The following CASQ2 variants were observed in gnomAD, a reference collection of about 807,000 sequenced individuals.
CASQ2 encodes the protein calsequestrin 2.
Under a neutral mutation model 46.5 loss-of-function variants are expected in CASQ2, and 49 were observed. The observed-to-expected ratio is 1.05, with a 90% CI of 0.84 to 1.34. The LOEUF is 1.34. Ranked by LOEUF, CASQ2 falls within the 40% of genes most tolerant of loss-of-function variation. The pLI, the probability that CASQ2 is intolerant of heterozygous loss-of-function variation, is 0.00. For synonymous variants in CASQ2, 174 were observed against 168.5 expected (o/e 1.03, Z -0.25); for missense variants, 486 against 481.3 (o/e 1.01, Z -0.09).
intron 2 of CASQ2, among the ~76,000 whole-genome samples, chr1:115,741,609 C>G (rs375923837): frequency 1.3e-5 from 2 of 152,242 alleles, no homozygotes; most frequent in African/African-American, 4.8e-5. Flanking sequence ...TGTATGTGGC[C>G]AGGATGGACA....
chr1:115,768,409 C>T lies in CASQ2; in HGVS notation c.133G>A (p.Val45Ile), dbSNP rs746405346. 5 of 1,614,034 alleles carry T rather than the reference C, an allele frequency of 3.1e-6. No individual in the cohort carries two copies. The highest frequency in any genetic ancestry group is 4.2e-6 in the Non-Finnish European group (5 of 1,179,938). ...VSLSEKNFKQ[V>I]LKKYDLLCLY... is the part of the protein sequence containing the mutation. ...CAAAGCAAGTCATATTTCTTTAAAA[C>T]CTGCTTGAAGTTCTTCTCGGAAAGA... Residue 45 changes from valine (V) to isoleucine (I), a missense_variant, in exon 1 of 11, where the codon GTT becomes ATT. By Grantham distance (29) the Val-to-Ile change is conservative (BLOSUM62 3). Transcript: ENST00000261448.
chr1:115,735,475 A>G (rs1445721071), intron 4 of CASQ2, among the ~76,000 whole-genome samples: 2 of 152,256 alleles, frequency 1.3e-5, no homozygotes, highest in Non-Finnish European at 2.9e-5. Context: ...AATGTACTTA[A>G]TTGAAAATTG....
At chr1:115,733,013 A>T (rs753194494) in intron 4 of CASQ2, 39 bp from the exon 5 acceptor site, 1 of 1,402,210 alleles carries the variant, frequency 7.1e-7, no homozygotes, top group South Asian at 1.2e-5. Context: ...AGACATTTTC[A>T]AGATGAACAC....
intron 1 of CASQ2, 26 bp from the exon 2 acceptor site, chr1:115,744,938 T>C (rs770267264): frequency 1.3e-6 from 2 of 1,499,950 alleles, no homozygotes; most frequent in East Asian, 2.3e-5. Flanking sequence ...GAAAGATGAG[T>C]GTGCTAAGGG....
intron 4 of CASQ2, among the ~76,000 whole-genome samples, chr1:115,736,392 T>C (rs1647962871): frequency 2.0e-5 from 3 of 151,918 alleles, no homozygotes; most frequent in Admixed American, 6.6e-5. Context: ...ATCCAAGCAC[T>C]TTGGGAGGCT....
At chr1:115,759,002 G>A (rs1648850008) in intron 1 of CASQ2, among the ~76,000 whole-genome samples, 1 of 152,178 alleles carries the variant, frequency 6.6e-6, no homozygotes, top group Admixed American at 6.5e-5. Context: ...CATAGAGGAG[G>A]GTAGAGAAGG....
At chr1:115,748,631 C>G (rs932545198) in intron 1 of CASQ2, among the ~76,000 whole-genome samples, 4 of 151,814 alleles carry the variant, frequency 2.6e-5, no homozygotes, top group African/African-American at 9.7e-5. Context: ...AGATTTTCTG[C>G]AGTGCCTAAA....
chr1:115,709,674 C>T (rs983279434), intron 8 of CASQ2, among the ~76,000 whole-genome samples: 1 of 152,218 alleles, frequency 6.6e-6, no homozygotes, highest in Non-Finnish European at 1.5e-5. Context: ...GAACATTTGT[C>T]TCTGTTGAAT....
chr1:115,746,758 T>C (rs79574350), intron 1 of CASQ2, among the ~76,000 whole-genome samples: 2,585 of 152,310 alleles, frequency 0.017, 88 homozygotes, highest in African/African-American at 0.059. Context: ...CATTTTTTTT[T>C]ACTCTGTATG....
rs139777142 is a variant in CASQ2 at position 115,753,951 on chromosome 1, C to A, written c.235-9039G>T. On this transcript the variant is annotated intron_variant, in intron 1 of 10. Coordinates refer to ENST00000261448, the MANE Select transcript of CASQ2 (RefSeq NM_001232.4). ...ACAGATCTCTGCTCCAAGTGAATGT[C>A]CCTCAGGCCAGTCATTAAAAACACC... Among the ~76,000 whole-genome samples, 831 of 152,188 alleles carry A rather than the reference C, an allele frequency of 5.5e-3. 13 individuals are homozygous for A. Among genetic ancestry groups the A allele is most frequent in the African/African-American group, 0.019 (790 of 41,476 alleles).
chr1:115,723,305 T>TTATCTATC (rs58680506), intron 7 of CASQ2, among the ~76,000 whole-genome samples: 16,397 of 148,746 alleles, frequency 0.11, 993 homozygotes, highest in East Asian at 0.14. Context: ...ATCTATCTAT[T>TTATCTATC]TATCTATCTA....
rs201321822 is a variant in CASQ2, at chr1:115,734,861, T to C, written c.533-1887A>G. Among the ~76,000 whole-genome samples, 17 of 152,330 alleles carry C rather than the reference T, an allele frequency of 1.1e-4. No homozygotes were observed. The East Asian group carries it at 2.7e-3, about 24-fold the overall frequency. On this transcript the variant is annotated intron_variant, in intron 4 of 10. Transcript: ENST00000261448. ...CCCTGACCAGAAATGCTTGGAATAA[T>C]ATCATCTGTCTTACAAAGAAGAACC...
At chr1:115,724,136 A>G (rs1416048074) in intron 7 of CASQ2, among the ~76,000 whole-genome samples, 10 of 152,200 alleles carry the variant, frequency 6.6e-5, no homozygotes, top group Admixed American at 6.5e-4. Flanking sequence ...TTGTGGGGAC[A>G]TAGTCACTCT....
chr1:115,746,249 T>C (rs1648386499), intron 1 of CASQ2, among the ~76,000 whole-genome samples: 1 of 152,212 alleles, frequency 6.6e-6, no homozygotes, highest in Non-Finnish European at 1.5e-5. Context: ...ATGTGGGTTG[T>C]TCCCAGTGAT....
intron 8 of CASQ2, among the ~76,000 whole-genome samples, chr1:115,708,337 A>T (rs1202313554): frequency 2.0e-5 from 3 of 152,206 alleles, no homozygotes; most frequent in Non-Finnish European, 4.4e-5. Flanking sequence ...TTTCCTCTAG[A>T]TCCAAGGGCA....
At chr1:115,711,748 G>A (rs746000258) in intron 8 of CASQ2, among the ~76,000 whole-genome samples, 5 of 151,852 alleles carry the variant, frequency 3.3e-5, no homozygotes, top group East Asian at 1.9e-4. Context: ...TCTGCCTCCC[G>A]GGTTCAAGTG....
chr1:115,713,829 T>C (rs1304349897), intron 8 of CASQ2, among the ~76,000 whole-genome samples: 1 of 152,194 alleles, frequency 6.6e-6, no homozygotes, highest in Non-Finnish European at 1.5e-5. Context: ...TAGGGTGGAC[T>C]GTGCACAGGA....
At chr1:115,726,962 C>A (rs1486093873) in intron 6 of CASQ2, 30 bp downstream of exon 6, 2 of 1,391,756 alleles carry the variant, frequency 1.4e-6, no homozygotes, top group Non-Finnish European at 2.0e-6. Context: ...AGACCCCAGG[C>A]CCCCAGCCCC....
At chr1:115,756,430 G>A (rs1160607137) in intron 1 of CASQ2, among the ~76,000 whole-genome samples, 1 of 152,182 alleles carries the variant, frequency 6.6e-6, no homozygotes, top group Non-Finnish European at 1.5e-5. Context: ...AAGTCATTTT[G>A]AATGAGCACT....
Sources: allele counts gnomAD v4.1 joint callset (sites outside exome capture counted in the v4.1 genomes callset), GRCh38; gene constraint gnomAD v4.1.1; transcripts MANE v1.5; gene names NCBI Gene and HGNC (gene_info 2026-07-23, HGNC 2026-07-21).